Variants in SMAP2 observed in about 807,000 individuals in gnomAD.
SMAP2 encodes the protein stromal membrane-associated protein 2.
SMAP2 carries 25 observed loss-of-function variants against 56.4 expected under a neutral mutation model. That is an observed-to-expected ratio of 0.44 (90% CI 0.32 to 0.62). The LOEUF is 0.62. Among genes scored for constraint, SMAP2 ranks in the 20% least tolerant of loss-of-function variants. SMAP2 has a pLI of 0.04. For missense variants in SMAP2, 388 were observed against 545.6 expected, an observed-to-expected ratio of 0.71 and a Z score of 2.88; for synonymous variants, 157 against 181.7, an observed-to-expected ratio of 0.86 and a Z score of 1.09.
chr1:40,371,325 G>A (rs948606604), upstream of SMAP2, among the ~76,000 whole-genome samples: 1 of 152,016 alleles, frequency 6.6e-6, no homozygotes, highest in African/African-American at 2.4e-5. Flanking sequence ...AGTTTGCTTT[G>A]TTTATATCCT....
intron 1 of SMAP2, chr1:40,396,912 C>G: frequency 1.1e-6 from 1 of 926,760 alleles, no homozygotes; most frequent in Non-Finnish European, 1.3e-6. Flanking sequence ...TAGATTTGTT[C>G]TTAAAACAAA....
At chr1:40,361,173 C>T (rs1644458376) in intron 1 of SMAP2, among the ~76,000 whole-genome samples, 1 of 152,192 alleles carries the variant, frequency 6.6e-6, no homozygotes, top group Non-Finnish European at 1.5e-5. Context: ...GATAGGGCAC[C>T]AGGCAGAGTC....
At chr1:40,364,300 A>G (rs1644470834) in intron 2 of SMAP2, among the ~76,000 whole-genome samples, 1 of 152,194 alleles carries the variant, frequency 6.6e-6, no homozygotes, top group African/African-American at 2.4e-5. Flanking sequence ...ATTTAAAGAA[A>G]AAAAAGAGGG....
chr1:40,406,613 A>ATT, intron 1 of SMAP2, 123 bp from the exon 2 acceptor site: 2 of 1,037,814 alleles, frequency 1.9e-6, no homozygotes, highest in Non-Finnish European at 2.8e-6. Context: ...GTCAATAAAC[A>ATT]GGTGGTTATG....
intron 3 of SMAP2, 66 bp from the exon 4 acceptor site, chr1:40,409,691 A>G: frequency 8.9e-7 from 1 of 1,128,274 alleles, no homozygotes; most frequent in Non-Finnish European, 1.3e-6. Context: ...GTGGAACACA[A>G]TTGATCTTTT....
chr1:40,375,705 A>G (rs1644534443), intron 1 of SMAP2: 2 of 725,332 alleles, frequency 2.8e-6, no homozygotes, highest in Non-Finnish European at 3.4e-6. Flanking sequence ...TTAGGAGTGT[A>G]TCTTGGCTTT....
At chr1:40,389,379 T>C (rs2124267458) in intron 1 of SMAP2, among the ~76,000 whole-genome samples, 1 of 152,332 alleles carries the variant, frequency 6.6e-6, no homozygotes, top group South Asian at 2.1e-4. Flanking sequence ...TCTATCTGCA[T>C]ACTTAATGCA....
At chr1:40,410,136 C>T (rs1168806160) in intron 4 of SMAP2, among the ~76,000 whole-genome samples, 1 of 151,652 alleles carries the variant, frequency 6.6e-6, no homozygotes, top group East Asian at 1.9e-4. Context: ...TAACCAGCTA[C>T]TTGGGAGGCT....
chr1:40,393,248 C>T (rs1644734598), intron 1 of SMAP2: 1 of 1,359,996 alleles, frequency 7.4e-7, no homozygotes, highest in Admixed American at 2.7e-5. Context: ...ATTGCTTGAG[C>T]ATAGGAGATT....
At position 40,384,142 on chromosome 1, in the gene SMAP2, C is replaced by A. The variant is rs114557330; in HGVS notation, c.103+9919C>A. ...CAAACTCCTGGCCTCAAGTGAGCTA[C>A]CTACCCTCCTTGGCCTCCCAAAGTG... On this transcript the variant is annotated intron_variant, in intron 1 of 9. Transcript: ENST00000372718. Among the ~76,000 whole-genome samples the A allele has an allele frequency of 9.0e-3, 1,371 of 152,294 alleles. 18 individuals carry two copies. The highest frequency in any genetic ancestry group is 0.031 in the African/African-American group (1,305 of 41,556).
At chr1:40,410,167 G>T (rs762551657) in intron 4 of SMAP2, among the ~76,000 whole-genome samples, 3 of 152,088 alleles carry the variant, frequency 2.0e-5, no homozygotes, top group African/African-American at 4.8e-5. Flanking sequence ...GATTACGTGA[G>T]CCAGGGAGGT....
chr1:40,411,518 C>A (rs1644935860), intron 4 of SMAP2, among the ~76,000 whole-genome samples: 1 of 152,166 alleles, frequency 6.6e-6, no homozygotes, highest in Non-Finnish European at 1.5e-5. Flanking sequence ...ATACTGTACC[C>A]ATGAAAGCAA....
intron 2 of SMAP2, among the ~76,000 whole-genome samples, chr1:40,366,192 TG>T (rs1370722293): frequency 6.6e-6 from 1 of 151,726 alleles, no homozygotes; most frequent in Non-Finnish European, 1.5e-5. Context: ...CCAAGAAATA[TG>T]GGACTATGTG....
Position 40,408,280 on chromosome 1 carries a change from T to C in SMAP2, c.238-373T>C, listed in dbSNP as rs1279187045. ...TAATGGGAAACACATTTATTGGAAT[T>C]GATTAATAGTATAAACTCAGAATGA... On this transcript the variant is annotated intron_variant, in intron 2 of 9. Coordinates refer to ENST00000372718, the MANE Select transcript of SMAP2 (RefSeq NM_022733.3). The surrounding 1 kb of genome is among the most constrained non-coding windows in gnomAD (Gnocchi z 4.3). Among the ~76,000 whole-genome samples, 3 of 152,324 alleles carry C rather than the reference T, an allele frequency of 2.0e-5. No homozygotes were observed. The highest frequency in any genetic ancestry group is 4.4e-5 in the Non-Finnish European group (3 of 68,028).
chr1:40,350,794 A>G (rs2124157184), intron 1 of SMAP2, among the ~76,000 whole-genome samples: 1 of 152,358 alleles, frequency 6.6e-6, no homozygotes, highest in Non-Finnish European at 1.5e-5. Flanking sequence ...CCATTAGTGA[A>G]GAGGTTTAGT....
intron 1 of SMAP2, among the ~76,000 whole-genome samples, chr1:40,382,791 G>A (rs1359042497): frequency 6.6e-6 from 1 of 152,196 alleles, no homozygotes; most frequent in Non-Finnish European, 1.5e-5. Flanking sequence ...GCCTATGCCT[G>A]TTTTGTTCAC....
chr1:40,403,393 T>C (rs377031182), intron 1 of SMAP2, among the ~76,000 whole-genome samples: 142 of 152,264 alleles, frequency 9.3e-4, no homozygotes, highest in African/African-American at 3.3e-3. Flanking sequence ...TAGTCCCAGC[T>C]ACTCGGGAAG....
chr1:40,365,071 C>T, intron 2 of SMAP2: 1 of 224,332 alleles, frequency 4.5e-6, no homozygotes. Flanking sequence ...TGAGCTTGTA[C>T]ATAACATTCA....
intron 1 of SMAP2, among the ~76,000 whole-genome samples, chr1:40,405,381 C>T (rs1223437419): frequency 6.6e-6 from 1 of 152,134 alleles, no homozygotes; most frequent in Non-Finnish European, 1.5e-5. Flanking sequence ...CCCAGCTACT[C>T]CAGAGGCTGA....
Sources: allele counts gnomAD v4.1 joint callset (sites outside exome capture counted in the v4.1 genomes callset), GRCh38; gene constraint gnomAD v4.1.1; non-coding constraint Gnocchi (gnomAD v3.1); transcripts MANE v1.5; gene names NCBI Gene and HGNC (gene_info 2026-07-23, HGNC 2026-07-21).